The following CST6 variants were observed in gnomAD, a reference collection of about 807,000 sequenced individuals.
The protein encoded by CST6 is cystatin E/M.
CST6 carries 8 observed loss-of-function variants against 10.7 expected under a neutral mutation model. The ratio of observed to expected loss-of-function variants is 0.75; its 90% confidence interval spans 0.44 to 1.34. The LOEUF is 1.34. CST6 is among the 40% of genes most tolerant of loss of function. CST6 has a pLI of 0.01. For missense variants in CST6, 206 were observed against 205.1 expected (o/e 1.00, Z -0.03); for synonymous variants, 100 against 89.3 (o/e 1.12, Z -0.68).
At chr11:66,012,746 CAACAGGAG>C in intron 1 of CST6, 72 bp from the exon 2 acceptor site, 1 of 1,348,516 alleles carries the variant, frequency 7.4e-7, no homozygotes, top group Non-Finnish European at 9.9e-7. Context: ...TGCCTGGGGG[CAACAGGAG>C]AATATATCAA....
intron 2 of CST6, 69 bp from the exon 3 acceptor site, chr11:66,013,248 G>T (rs1302876840): frequency 1.4e-6 from 2 of 1,418,348 alleles, no homozygotes; most frequent in Non-Finnish European, 2.0e-6. Context: ...CAGGCAGAGG[G>T]CTGGCTGTTG....
rs1284972020 is a variant in CST6 at position 66,012,186 on chromosome 11, G to T, written c.142G>T (p.Val48Leu). 3 of 1,577,564 alleles carry T rather than the reference G, an allele frequency of 1.9e-6. No individual in the cohort carries two copies. Among genetic ancestry groups the T allele is most frequent in the Non-Finnish European group, 2.6e-6 (3 of 1,163,786 alleles). ...LRDLSPDDPQ[V>L]QKAAQAAVAS... The stretch of plus-strand genomic sequence containing the variant: ...GGACCTGTCGCCCGACGACCCGCAG[G>T]TGCAGAAGGCGGCGCAGGCGGCCGT... The change falls in exon 1 of 3, where the codon GTG becomes TTG. Residue 48 changes from valine (V) to leucine (L), a missense_variant. By Grantham distance (32) the Val-to-Leu change is conservative. Transcript: ENST00000312134.
chr11:66,012,377 G>T, intron 1 of CST6, 93 bp downstream of exon 1: 6 of 1,381,886 alleles, frequency 4.3e-6, no homozygotes, highest in Non-Finnish European at 5.8e-6. Flanking sequence ...GCCTAAAAGC[G>T]CAATCGGGAT....
Position 66,012,847 on chromosome 11 carries a change from T to C in CST6, c.262T>C (p.Phe88Leu), listed in dbSNP as rs769543091. The C allele has an allele frequency of 1.2e-6, 2 of 1,608,854 alleles. No individual in the cohort carries two copies. The highest frequency in any genetic ancestry group is 2.2e-5 in the East Asian group (1 of 44,718). ...CCAGCTGGTGGCCGGCATCAAGTACTTCCTGACGATGGAGATGGGGAGCAC... is the reference window on the plus strand; with the variant it reads ...CCAGCTGGTGGCCGGCATCAAGTACCTCCTGACGATGGAGATGGGGAGCAC... ...QSQLVAGIKY[F>L]LTMEMGSTDC... Residue 88 changes from phenylalanine (F) to leucine (L), a missense_variant, in exon 2 of 3, where the codon TTC becomes CTC. Transcript: ENST00000312134.
At chr11:66,013,170 GC>G (rs1590675142) in intron 2 of CST6, 146 bp from the exon 3 acceptor site, 1 of 978,262 alleles carries the variant, frequency 1.0e-6, no homozygotes, top group Non-Finnish European at 1.6e-6. Flanking sequence ...CTGGAGTCTA[GC>G]CCCAGACATG....
chr11:66,012,419 A>C, intron 1 of CST6, 135 bp downstream of exon 1: 1 of 1,165,528 alleles, frequency 8.6e-7, no homozygotes, highest in Non-Finnish European at 1.2e-6. Flanking sequence ...AATCGAATTA[A>C]TGCTAAAACT....
Position 66,012,064 on chromosome 11 carries a change from C to T in CST6, c.20C>T (p.Pro7Leu), listed in dbSNP as rs550136455. The change falls in exon 1 of 3, where the codon CCG (proline) becomes CTG (leucine). Residue 7 changes from proline (P) to leucine (L), a missense_variant. Transcript: ENST00000312134. ...ACGGCCATGGCGCGTTCGAACCTCC[C>T]GCTGGCGCTGGGCCTGGCCCTGGTC... is the stretch of plus-strand genomic sequence containing the variant. Reference protein sequence around the residue: MARSNLPLALGLALVAF... With the variant: MARSNLLLALGLALVAF... The T allele has an allele frequency of 9.6e-6, 15 of 1,560,814 alleles. No individual in the cohort carries two copies. Among genetic ancestry groups the T allele is most frequent in the Non-Finnish European group, 1.3e-5 (15 of 1,161,242 alleles).
rs200759724 is a variant in CST6 at position 66,012,052 on chromosome 11, G to T, written c.8G>T (p.Arg3Leu). The T allele has an allele frequency of 5.8e-4, 907 of 1,558,288 alleles. 8 individuals carry two copies. In the East Asian group the frequency reaches 0.018, roughly 31 times the overall value. MA[R>L]SNLPLALGLA... The stretch of plus-strand genomic sequence containing the variant: ...CCGACGGCACTGACGGCCATGGCGC[G>T]TTCGAACCTCCCGCTGGCGCTGGGC... The change falls in exon 1 of 3, where the codon CGT becomes CTT. Residue 3 changes from arginine (R) to leucine (L), a missense_variant. Physicochemically the swap from Arg to Leu is moderately radical, Grantham distance 102. Coordinates refer to ENST00000312134, the MANE Select transcript of CST6 (RefSeq NM_001323.4).
chr11:66,012,835 G>A lies in CST6; in HGVS notation c.250G>A (p.Gly84Ser), dbSNP rs375893422. 13 of 1,604,160 alleles carry A rather than the reference G, an allele frequency of 8.1e-6. No homozygotes were observed. Among genetic ancestry groups the A allele is most frequent in the Middle Eastern group, 1.6e-4 (1 of 6,064 alleles). ...IIKAQSQLVA[G>S]IKYFLTMEMG... ...TACCCTATGCCCCCAGCTGGTGGCCGGCATCAAGTACTTCCTGACGATGGA... is the reference window on the plus strand; with the variant it reads ...TACCCTATGCCCCCAGCTGGTGGCCAGCATCAAGTACTTCCTGACGATGGA... The change falls in exon 2 of 3, where the codon GGC (glycine) becomes AGC (serine). Residue 84 changes from glycine (G) to serine (S), a missense_variant. Coordinates refer to ENST00000312134, the MANE Select transcript of CST6 (RefSeq NM_001323.4).
Position 66,012,264 on chromosome 11 carries a change from A to T in CST6, c.220A>T (p.Ile74Phe). 6.2e-7 allele frequency: 1 copy of T among 1,604,584 alleles called. No individual in the cohort carries two copies. ...NSIYYFRDTH[I>F]IKAQSQLVAG... ...CATCTACTACTTCCGAGACACGCAC[A>T]TCATCAAGGCGCAGAGCCAGGTGCG... Residue 74 changes from isoleucine to phenylalanine, a missense_variant, in exon 1 of 3, where the codon ATC (isoleucine) becomes TTC (phenylalanine). By Grantham distance (21) the Ile-to-Phe change is conservative. Coordinates refer to ENST00000312134, the MANE Select transcript of CST6 (RefSeq NM_001323.4).
rs781362451 is a variant in CST6 at position 66,013,376 on chromosome 11, A to G, written c.426A>G (p.Leu142=). ...VVPWQNSSQL[L]KHNCVQM is the part of the protein sequence containing the mutation. Reference sequence around the variant, plus strand: ...CCTGGCAGAACTCCTCTCAGCTCCTAAAGCACAACTGTGTGCAGATGTGAT... The same window carrying G: ...CCTGGCAGAACTCCTCTCAGCTCCTGAAGCACAACTGTGTGCAGATGTGAT... The change falls in exon 3 of 3, where the codon CTA becomes CTG. Residue 142 remains leucine, a synonymous_variant. Coordinates refer to ENST00000312134, the MANE Select transcript of CST6 (RefSeq NM_001323.4). 6.2e-7 allele frequency: 1 copy of G among 1,614,204 alleles called. No homozygotes were observed. Among genetic ancestry groups the G allele is most frequent in the Non-Finnish European group, 8.5e-7 (1 of 1,180,010 alleles).
rs770702238 is a variant in CST6 at position 66,012,834 on chromosome 11, C to T, written c.249C>T (p.Ala83=). 12 of 1,604,170 alleles carry T rather than the reference C, an allele frequency of 7.5e-6. No homozygotes were observed. The highest frequency in any genetic ancestry group is 2.2e-5 in the East Asian group (1 of 44,604). ...HIIKAQSQLV[A]GIKYFLTMEM... Reference sequence around the variant, plus strand: ...CTACCCTATGCCCCCAGCTGGTGGCCGGCATCAAGTACTTCCTGACGATGG... The same window carrying T: ...CTACCCTATGCCCCCAGCTGGTGGCTGGCATCAAGTACTTCCTGACGATGG... Residue 83 remains alanine (A), a synonymous_variant, in exon 2 of 3, where the codon GCC becomes GCT. Transcript: ENST00000312134.
intron 1 of CST6, among the ~76,000 whole-genome samples, 162 bp from the exon 2 acceptor site, chr11:66,012,664 T>TCCC (rs1159123566): frequency 1.0e-3 from 15 of 14,488 alleles, no homozygotes; most frequent in Non-Finnish European, 1.6e-3. Context: ...CCACCAGAAC[T>TCCC]CCCCCCCCCA....
Position 66,013,392 on chromosome 11 carries a change from C to T in CST6, c.442C>T (p.Gln148Ter), listed in dbSNP as rs1201257007. 1.9e-6 allele frequency: 3 copies of T among 1,613,992 alleles called. No homozygotes were observed. The highest frequency in any genetic ancestry group is 1.3e-5 in the African/African-American group (1 of 74,930). The change falls in exon 3 of 3, where the codon CAG (glutamine) becomes TAG (stop). Residue 148 changes from glutamine (Q) to a stop codon, truncating the protein, a stop_gained. Transcript: ENST00000312134. LOFTEE classifies it high-confidence loss of function. ...TCAGCTCCTAAAGCACAACTGTGTG[C>T]AGATGTGATAAGTCCCCGAGGGCGA... is the stretch of plus-strand genomic sequence containing the variant. ...SSQLLKHNCV[Q>*]M
intron 1 of CST6, 55 bp downstream of exon 1, chr11:66,012,339 A>G: frequency 5.9e-6 from 9 of 1,526,888 alleles, no homozygotes; most frequent in Admixed American, 2.0e-5. Context: ...GGGAGGCCAC[A>G]GGCGCTGCCC....
chr11:66,012,964 C>T lies in CST6; in HGVS notation c.366+13C>T. On this transcript the variant is annotated intron_variant, in intron 2 of 2. Coordinates refer to ENST00000312134, the MANE Select transcript of CST6 (RefSeq NM_001323.4). ...GGCGCAGCAGGAGGTAACAGCTGGG[C>T]TCCTCCAGCCCCAGCCCTCCCCAGA... 3.7e-6 allele frequency: 6 copies of T among 1,612,632 alleles called. No individual in the cohort carries two copies. Among genetic ancestry groups the T allele is most frequent in the Non-Finnish European group, 5.1e-6 (6 of 1,179,624 alleles).
chr11:66,013,347 G>A lies in CST6; in HGVS notation c.397G>A (p.Val133Ile), dbSNP rs770195259. 1.2e-6 allele frequency: 2 copies of A among 1,614,196 alleles called. No homozygotes were observed. Among genetic ancestry groups the A allele is most frequent in the South Asian group, 2.2e-5 (2 of 91,086 alleles). The change falls in exon 3 of 3, where the codon GTT becomes ATT. Residue 133 changes from valine (V) to isoleucine (I), a missense_variant. Val to Ile is a conservative substitution (Grantham distance 29). Coordinates refer to ENST00000312134, the MANE Select transcript of CST6 (RefSeq NM_001323.4). Reference protein sequence around the residue: ...KLRCDFEVLVVPWQNSSQLLK... With the variant: ...KLRCDFEVLVIPWQNSSQLLK... ...GCGCTGTGACTTTGAGGTCCTTGTG[G>A]TTCCCTGGCAGAACTCCTCTCAGCT...
chr11:66,012,664 T>TTC (rs1457740153), intron 1 of CST6, among the ~76,000 whole-genome samples, 162 bp from the exon 2 acceptor site: 3,020 of 14,474 alleles, frequency 0.21, 119 homozygotes, highest in East Asian at 0.48. Flanking sequence ...CCACCAGAAC[T>TTC]CCCCCCCCCA....
In CST6 at chr11:66,012,011, CA is replaced by C; in HGVS notation, c.-33del. ...GCTGCGCGGCCGCAAGCTCGGCACT[CA>C]CGGCTCTGAGGGCTCCGACGGCACT... On this transcript the variant is annotated 5_prime_UTR_variant, in exon 1 of 3. Transcript: ENST00000312134. The C allele has an allele frequency of 6.9e-7, 1 of 1,445,204 alleles. No homozygotes were observed. The highest frequency in any genetic ancestry group is 1.5e-5 in the South Asian group (1 of 68,094). 89.5% of individuals were successfully genotyped at this position (1,445,204 alleles called of 1,614,324 possible).
Sources: gnomAD v4.1 joint callset for allele counts (sites outside exome capture counted in the v4.1 genomes callset) on GRCh38, gnomAD v4.1.1 for gene constraint, MANE v1.5 for transcripts, NCBI Gene and HGNC (gene_info 2026-07-23, HGNC 2026-07-21) for gene names.